Variants in SOBP observed in about 807,000 individuals in gnomAD.
SOBP encodes the protein sine oculis binding protein homolog.
Under a neutral mutation model 53.6 loss-of-function variants are expected in SOBP, and 4 were observed. That is an observed-to-expected ratio of 0.07 (90% CI 0.04 to 0.17). The LOEUF is 0.17. SOBP is among the 10% of genes least tolerant of loss of function. The pLI is 1.00. For synonymous variants in SOBP, 584 were observed against 522.6 expected (o/e 1.12, Z -1.60); for missense variants, 1,088 against 1,204.7 (o/e 0.90, Z 1.43).
At chr6:107,622,471 C>T (rs1770223014) in intron 5 of SOBP, among the ~76,000 whole-genome samples, 1 of 152,226 alleles carries the variant, frequency 6.6e-6, no homozygotes, top group Non-Finnish European at 1.5e-5. Context: ...GCCAGTTCTT[C>T]TCAAGAGTAA....
intron 4 of SOBP, among the ~76,000 whole-genome samples, chr6:107,533,912 A>G (rs1317900503): frequency 6.6e-6 from 1 of 152,142 alleles, no homozygotes; most frequent in Non-Finnish European, 1.5e-5. Flanking sequence ...TGCAGACTGC[A>G]CTCTGAGTAC....
intron 3 of SOBP, among the ~76,000 whole-genome samples, chr6:107,508,573 C>T (rs773028225): frequency 2.7e-5 from 4 of 149,780 alleles, no homozygotes; most frequent in African/African-American, 7.6e-5. Flanking sequence ...AGTGAGACTC[C>T]GTCTCAAAAA....
intron 5 of SOBP, among the ~76,000 whole-genome samples, chr6:107,619,831 C>A (rs950372878): frequency 6.6e-6 from 1 of 152,022 alleles, no homozygotes; most frequent in Non-Finnish European, 1.5e-5. Context: ...GTACGCCACA[C>A]CCATAGCAAG....
At chr6:107,521,265 C>T (rs1783476816) in intron 3 of SOBP, among the ~76,000 whole-genome samples, 1 of 150,652 alleles carries the variant, frequency 6.6e-6, no homozygotes, top group African/African-American at 2.5e-5. Context: ...TATATCTATG[C>T]CTTATGCCTA....
At chr6:107,512,745 A>G (rs1783207642) in intron 3 of SOBP, among the ~76,000 whole-genome samples, 1 of 152,100 alleles carries the variant, frequency 6.6e-6, no homozygotes, top group Non-Finnish European at 1.5e-5. Context: ...TTTTTTTTAA[A>G]TTAATAAAAC....
intron 4 of SOBP, among the ~76,000 whole-genome samples, chr6:107,575,211 T>G (rs1785190758): frequency 6.6e-6 from 1 of 152,178 alleles, no homozygotes; most frequent in African/African-American, 2.4e-5. Flanking sequence ...TGGTGAGTAA[T>G]AGGGACTTCC....
At chr6:107,530,172 G>A (rs1464793873) in intron 3 of SOBP, among the ~76,000 whole-genome samples, 2 of 152,092 alleles carry the variant, frequency 1.3e-5, no homozygotes, top group East Asian at 3.8e-4. Flanking sequence ...ATGTAAGACA[G>A]GTAATTAGGT....
intron 4 of SOBP, among the ~76,000 whole-genome samples, chr6:107,555,940 A>C (rs1327602452): frequency 6.6e-6 from 1 of 152,258 alleles, no homozygotes; most frequent in Non-Finnish European, 1.5e-5. Context: ...AGGCAGGATC[A>C]AATTTACAAA....
At chr6:107,648,092 C>T (rs1771637592) in intron 6 of SOBP, among the ~76,000 whole-genome samples, 1 of 152,194 alleles carries the variant, frequency 6.6e-6, no homozygotes, top group Admixed American at 6.5e-5. Context: ...CAGACCTCAT[C>T]TAAATCCTAA....
At chr6:107,521,265 C>A (rs1783476816) in intron 3 of SOBP, among the ~76,000 whole-genome samples, 1 of 150,652 alleles carries the variant, frequency 6.6e-6, no homozygotes, top group African/African-American at 2.5e-5. Flanking sequence ...TATATCTATG[C>A]CTTATGCCTA....
At chr6:107,591,800 A>G (rs992935083) in intron 5 of SOBP, among the ~76,000 whole-genome samples, 1 of 152,090 alleles carries the variant, frequency 6.6e-6, no homozygotes, top group Non-Finnish European at 1.5e-5. Context: ...GAATTAAAGT[A>G]GTGGGAATCA....
chr6:107,560,642 C>T (rs1335317510), intron 4 of SOBP, among the ~76,000 whole-genome samples: 2 of 152,176 alleles, frequency 1.3e-5, no homozygotes, highest in Non-Finnish European at 2.9e-5. Flanking sequence ...GTTTAAGCCT[C>T]ATAATGCCCT....
intron 5 of SOBP, among the ~76,000 whole-genome samples, chr6:107,631,999 T>G (rs1456589842): frequency 6.6e-6 from 1 of 152,216 alleles, no homozygotes; most frequent in East Asian, 1.9e-4. Context: ...CCACCACTGT[T>G]TACAATCAAG....
At chr6:107,643,757 C>T (rs1022357003) in intron 6 of SOBP, among the ~76,000 whole-genome samples, 2 of 152,122 alleles carry the variant, frequency 1.3e-5, no homozygotes, top group African/African-American at 4.8e-5. Context: ...CAAAAGCTTT[C>T]TCCCACTAGA....
intron 4 of SOBP, among the ~76,000 whole-genome samples, chr6:107,547,926 T>C (rs957309836): frequency 2.0e-5 from 3 of 152,180 alleles, no homozygotes; most frequent in African/African-American, 7.2e-5. Context: ...GCACAGCTGA[T>C]AAGGCATGCT....
intron 5 of SOBP, among the ~76,000 whole-genome samples, chr6:107,613,899 G>C (rs1006850408): frequency 6.6e-6 from 1 of 152,170 alleles, no homozygotes; most frequent in African/African-American, 2.4e-5. Context: ...GCCTTCAAAG[G>C]TAGAATATAC....
chr6:107,613,097 T>C (rs1786657882), intron 5 of SOBP, among the ~76,000 whole-genome samples: 1 of 152,242 alleles, frequency 6.6e-6, no homozygotes, highest in African/African-American at 2.4e-5. Flanking sequence ...GCTCTCCAGG[T>C]GACTCTGATG....
intron 3 of SOBP, chr6:107,510,852 G>C (rs1283206882): frequency 1.3e-5 from 2 of 152,314 alleles, no homozygotes; most frequent in South Asian, 2.1e-4. Flanking sequence ...AGAGTTGACT[G>C]TATCATGCAA....
chr6:107,503,889 T>G (rs1474203373), intron 2 of SOBP, 94 bp downstream of exon 2: 5 of 1,455,178 alleles, frequency 3.4e-6, no homozygotes, highest in Non-Finnish European at 4.8e-6. Flanking sequence ...ATTGAGTTGC[T>G]TTGTTGATTA....
Sources: allele counts gnomAD v4.1 joint callset (sites outside exome capture counted in the v4.1 genomes callset), GRCh38; gene constraint gnomAD v4.1.1; transcripts MANE v1.5; gene names NCBI Gene and HGNC (gene_info 2026-07-23, HGNC 2026-07-21).